The following EXOSC8 variants were observed in gnomAD, a reference collection of about 807,000 sequenced individuals.
The protein encoded by EXOSC8 is exosome complex component RRP43.
In EXOSC8, 37 loss-of-function variants were observed where a neutral mutation model predicts 39.9. That is an observed-to-expected ratio of 0.93 (90% CI 0.71 to 1.22). The LOEUF is 1.22. Among genes scored for constraint, EXOSC8 ranks in the 50% most tolerant of loss-of-function variants. The pLI, the probability that EXOSC8 is intolerant of heterozygous loss-of-function variation, is 0.00. For missense variants in EXOSC8, 313 were observed against 326.6 expected (o/e 0.96, Z 0.32); for synonymous variants, 93 against 109.5 (o/e 0.85, Z 0.94).
At chr13:37,007,998 G>T in intron 8 of EXOSC8, 59 bp from the exon 9 acceptor site, 4 of 1,254,908 alleles carry the variant, frequency 3.2e-6, no homozygotes, top group African/African-American at 1.5e-5. Flanking sequence ...AAAAAAAAAA[G>T]CTTAGAAATC....
chr13:37,005,430 A>C, intron 5 of EXOSC8, among the ~76,000 whole-genome samples: 1 of 152,138 alleles, frequency 6.6e-6, no homozygotes, highest in East Asian at 1.9e-4. Context: ...GAAAAATAGA[A>C]ATTTCATGGC....
chr13:37,001,639 G>A (rs1303721725), intron 1 of EXOSC8: 2 of 152,126 alleles, frequency 1.3e-5, no homozygotes, highest in Non-Finnish European at 2.9e-5. Flanking sequence ...CGATATAGTA[G>A]TATATATACT....
At chr13:37,000,848 A>T in intron 1 of EXOSC8, 26 bp downstream of exon 1, 2 of 1,520,964 alleles carry the variant, frequency 1.3e-6, no homozygotes, top group Non-Finnish European at 1.8e-6. Context: ...TGGCGGGTAG[A>T]GTTCTGTACC....
At chr13:37,000,928 G>GCCC (rs1357247389) in intron 1 of EXOSC8, 106 bp downstream of exon 1, 1 of 1,334,948 alleles carries the variant, frequency 7.5e-7, no homozygotes. Flanking sequence ...CCGTTGGGGT[G>GCCC]CCATTTCCTT....
At chr13:37,004,769 T>C (rs1451325517) in intron 5 of EXOSC8, among the ~76,000 whole-genome samples, 3 of 152,222 alleles carry the variant, frequency 2.0e-5, no homozygotes, top group Admixed American at 6.5e-5. Flanking sequence ...TTAACCTTTA[T>C]CAAACTTGTT....
intron 7 of EXOSC8, among the ~76,000 whole-genome samples, chr13:37,006,412 C>A (rs1344984039): frequency 1.3e-5 from 2 of 151,926 alleles, no homozygotes; most frequent in Non-Finnish European, 2.9e-5. Context: ...AATTTTTTTC[C>A]CCCTTAACTT....
rs978747582 is a variant in EXOSC8 at position 37,008,061 on chromosome 13, G to A, written c.492G>A (p.Gln164=). ...FALLAALKNV[Q]LPEVTINEET... is the part of the protein sequence containing the mutation. ...TACAAATTTGCCTTTTCTTAGTACA[G>A]TTGCCTGAAGTTACTATAAATGAAG... The change falls in exon 9 of 11, where the codon CAG becomes CAA. Residue 164 remains glutamine (Q), a synonymous_variant. Coordinates refer to ENST00000389704, the MANE Select transcript of EXOSC8 (RefSeq NM_181503.3). 6.3e-7 allele frequency: 1 copy of A among 1,589,956 alleles called. No individual in the cohort carries two copies. The highest frequency in any genetic ancestry group is 1.4e-5 in the African/African-American group (1 of 73,644).
In EXOSC8 at chr13:37,002,926, C is replaced by A; in HGVS notation, c.119-8C>A. 1 of 1,593,266 alleles carries A rather than the reference C, an allele frequency of 6.3e-7. No individual in the cohort carries two copies. The highest frequency in any genetic ancestry group is 8.6e-7 in the Non-Finnish European group (1 of 1,162,010). ...TTTATGAACCTTTCATTTTGCTTAT[C>A]TTTTCAGGTTCAATTAGTACCGCAG... On this transcript the variant is annotated splice_polypyrimidine_tract_variant and splice_region_variant and intron_variant, in intron 3 of 10. Coordinates refer to ENST00000389704, the MANE Select transcript of EXOSC8 (RefSeq NM_181503.3).
In EXOSC8 at chr13:37,007,014, T is replaced by G. The variant is rs751048021; in HGVS notation, c.430T>G (p.Tyr144Asp). ...VLYCDLICLD[Y>D]DGNILDACTF... ...ATACTGTGATCTCATTTGCCTCGAC[T>G]ACGATGGAAACATTTTGGATGCCTG... The change falls in exon 8 of 11, where the codon TAC becomes GAC. Residue 144 changes from tyrosine (Y) to aspartate (D), a missense_variant. Tyr to Asp is a radical substitution (Grantham distance 160). Transcript: ENST00000389704. 6.8e-6 allele frequency: 11 copies of G among 1,613,526 alleles called. No homozygotes were observed. The highest frequency in any genetic ancestry group is 8.5e-6 in the Non-Finnish European group (10 of 1,179,410).
intron 1 of EXOSC8, chr13:37,001,664 C>G (rs2059106218): frequency 6.6e-6 from 1 of 152,130 alleles, no homozygotes; most frequent in Non-Finnish European, 1.5e-5. Flanking sequence ...TTAAAATTAA[C>G]CTTCGTAAAC....
At chr13:37,008,298 T>G in intron 9 of EXOSC8, 121 bp downstream of exon 9, 1 of 796,992 alleles carries the variant, frequency 1.3e-6, no homozygotes, top group Non-Finnish European at 2.1e-6. Context: ...CCCTGGACAC[T>G]TGAGTTTCTA....
chr13:37,002,397 A>G, intron 2 of EXOSC8, 88 bp downstream of exon 2: 1 of 1,387,556 alleles, frequency 7.2e-7, no homozygotes. Flanking sequence ...AATCCATTTG[A>G]AGTAACATTT....
intron 5 of EXOSC8, 26 bp downstream of exon 5, chr13:37,004,587 A>C (rs1321925668): frequency 2.1e-6 from 3 of 1,463,086 alleles, no homozygotes; most frequent in Non-Finnish European, 1.9e-6. Context: ...TTGTAATTTT[A>C]ATACAAATAC....
chr13:37,003,340 T>C (rs757214764), intron 4 of EXOSC8: 23 of 202,524 alleles, frequency 1.1e-4, no homozygotes, highest in Non-Finnish European at 1.7e-4. Context: ...GTGTAGAAAA[T>C]TGAAATTGTT....
intron 5 of EXOSC8, among the ~76,000 whole-genome samples, chr13:37,005,160 C>G (rs1478600409): frequency 6.6e-6 from 1 of 152,060 alleles, no homozygotes; most frequent in African/African-American, 2.4e-5. Context: ...AAAGAACTGT[C>G]ATTGCACACC....
intron 4 of EXOSC8, chr13:37,003,880 T>G (rs941752486): frequency 6.6e-6 from 1 of 152,098 alleles, no homozygotes. Context: ...TTGCTTTTTT[T>G]TTTTTTTTTG....
At position 37,009,174 on chromosome 13, in the gene EXOSC8, A is replaced by G. The variant is rs753906540; in HGVS notation, c.716-10A>G. 1.3e-6 allele frequency: 2 copies of G among 1,563,562 alleles called. No homozygotes were observed. The highest frequency in any genetic ancestry group is 1.7e-6 in the Non-Finnish European group (2 of 1,142,978). On this transcript the variant is annotated splice_polypyrimidine_tract_variant and intron_variant, in intron 10 of 10. Coordinates refer to ENST00000389704, the MANE Select transcript of EXOSC8 (RefSeq NM_181503.3). ...CTGAGATTAAAAGTATTGGCAAAATAATTTTTCAGGTGGAAGTGGGCTAAC... is the reference window on the plus strand; with the variant it reads ...CTGAGATTAAAAGTATTGGCAAAATGATTTTTCAGGTGGAAGTGGGCTAAC...
intron 9 of EXOSC8, 60 bp from the exon 10 acceptor site, chr13:37,008,669 A>G: frequency 9.8e-7 from 1 of 1,022,112 alleles, no homozygotes; most frequent in Non-Finnish European, 1.5e-6. Context: ...TAGTATGTTT[A>G]GTATTTTAAA....
chr13:37,004,680 T>C, intron 5 of EXOSC8, 119 bp downstream of exon 5: 1 of 633,634 alleles, frequency 1.6e-6, no homozygotes, highest in Non-Finnish European at 2.7e-6. Context: ...GAAATATTTA[T>C]GAATAAAACA....
Sources: allele counts gnomAD v4.1 joint callset (sites outside exome capture counted in the v4.1 genomes callset), GRCh38; gene constraint gnomAD v4.1.1; transcripts MANE v1.5; gene names NCBI Gene and HGNC (gene_info 2026-07-23, HGNC 2026-07-21).